Variants in GRM5 observed in about 807,000 individuals in gnomAD.
The protein encoded by GRM5 is metabotropic glutamate receptor 5.
Under a neutral mutation model 83.1 loss-of-function variants are expected in GRM5, and 19 were observed. That is an observed-to-expected ratio of 0.23 (90% confidence interval 0.16 to 0.34). The LOEUF is 0.34. GRM5 is among the 10% of genes least tolerant of loss of function. GRM5 has a pLI of 1.00. For synonymous variants in GRM5, 675 were observed against 633.6 expected, an observed-to-expected ratio of 1.07 and a Z score of -0.98; for missense variants, 1,160 against 1,588.3, an observed-to-expected ratio of 0.73 and a Z score of 4.58.
At chr11:88,688,001 C>T (rs1940690228) in intron 3 of GRM5, among the ~76,000 whole-genome samples, 1 of 152,086 alleles carries the variant, frequency 6.6e-6, no homozygotes, top group Non-Finnish European at 1.5e-5. Flanking sequence ...CTTTTGCTTT[C>T]CTTCACTACA....
At chr11:88,552,080 A>G (rs1228062233) in intron 8 of GRM5, among the ~76,000 whole-genome samples, 1 of 150,190 alleles carries the variant, frequency 6.7e-6, no homozygotes, top group Non-Finnish European at 1.5e-5. Context: ...GCTGGAGTGC[A>G]GTGGCATGAC....
At chr11:88,551,144 G>A (rs1477292988) in intron 8 of GRM5, among the ~76,000 whole-genome samples, 2 of 152,004 alleles carry the variant, frequency 1.3e-5, no homozygotes, top group East Asian at 3.9e-4. Flanking sequence ...TGTCTCATGG[G>A]GTTGTTTTAG....
At chr11:88,783,052 G>A (rs72643323) in intron 3 of GRM5, among the ~76,000 whole-genome samples, 1 of 152,018 alleles carries the variant, frequency 6.6e-6, no homozygotes, top group Non-Finnish European at 1.5e-5. Flanking sequence ...ACTAAAGTCC[G>A]CCTGACTTAA....
chr11:88,576,484 T>G (rs150309534), intron 7 of GRM5, among the ~76,000 whole-genome samples: 1 of 152,324 alleles, frequency 6.6e-6, no homozygotes, highest in East Asian at 1.9e-4. Flanking sequence ...AATGAATGAA[T>G]GATTAACAAA....
At chr11:88,982,123 T>A (rs1457147139) in intron 2 of GRM5, among the ~76,000 whole-genome samples, 2 of 152,204 alleles carry the variant, frequency 1.3e-5, no homozygotes. Context: ...AGATTCCAAT[T>A]TTTTGTTTCT....
At chr11:88,989,164 A>C (rs1319789607) in intron 2 of GRM5, among the ~76,000 whole-genome samples, 1 of 148,754 alleles carries the variant, frequency 6.7e-6, no homozygotes, top group Non-Finnish European at 1.5e-5. Context: ...GGATGGAGGA[A>C]GATCTACCAA....
At chr11:88,665,248 CT>C (rs574442465) in intron 3 of GRM5, among the ~76,000 whole-genome samples, 67 of 151,246 alleles carry the variant, frequency 4.4e-4, no homozygotes, top group African/African-American at 1.5e-3. Context: ...AAATAGAGAA[CT>C]GCCTTAAACC....
In GRM5 at chr11:88,584,369, A is replaced by G. The variant is rs183956307; in HGVS notation, c.1690+6232T>C. Among the ~76,000 whole-genome samples the G allele has an allele frequency of 6.1e-4, 92 of 151,968 alleles. 4 individuals are homozygous for G. The highest frequency in any genetic ancestry group is 6.0e-3 in the Admixed American group (91 of 15,208). ...TTTTTATACAATATCTACTCTTCAC[A>G]TTGTGACTATGTAAATAATATTTAT... On this transcript the variant is annotated intron_variant, in intron 7 of 9. Transcript: ENST00000305447.
At chr11:89,015,887 A>G (rs1273629104) in intron 2 of GRM5, among the ~76,000 whole-genome samples, 1 of 152,140 alleles carries the variant, frequency 6.6e-6, no homozygotes, top group African/African-American at 2.4e-5. Flanking sequence ...GTTAGGGGGC[A>G]TGTCATTTAA....
chr11:88,664,829 GATA>G (rs1303221453), intron 3 of GRM5, among the ~76,000 whole-genome samples: 8 of 152,154 alleles, frequency 5.3e-5, no homozygotes, highest in African/African-American at 1.9e-4. Context: ...TATACTATAT[GATA>G]ATGATTTGAG....
chr11:88,974,829 A>T (rs1191260464), intron 2 of GRM5, among the ~76,000 whole-genome samples: 1 of 152,186 alleles, frequency 6.6e-6, no homozygotes, highest in Non-Finnish European at 1.5e-5. Context: ...AGTAAGTAGG[A>T]ACATACTAGA....
At chr11:88,905,089 C>G (rs1473341233) in intron 2 of GRM5, among the ~76,000 whole-genome samples, 1 of 152,072 alleles carries the variant, frequency 6.6e-6, no homozygotes, top group Non-Finnish European at 1.5e-5. Flanking sequence ...TCAGATGTGT[C>G]TATATAATAT....
Position 88,931,034 on chromosome 11 carries a change from T to C in GRM5, c.662-80879A>G, listed in dbSNP as rs553261459. Among the ~76,000 whole-genome samples the C allele has an allele frequency of 7.3e-5, 11 of 150,878 alleles. No homozygotes were observed. The South Asian group carries it at 2.3e-3, about 32-fold the overall frequency. On this transcript the variant is annotated intron_variant, in intron 2 of 9. Transcript: ENST00000305447. ...AAGCATGCTTTATACAATTATATTT[T>C]ATATACAGGTATATAAAAATGGAGG...
At chr11:88,873,664 A>G (rs1366502535) in intron 2 of GRM5, among the ~76,000 whole-genome samples, 2 of 151,626 alleles carry the variant, frequency 1.3e-5, no homozygotes, top group African/African-American at 4.8e-5. Flanking sequence ...TATTGATACA[A>G]ATGAAAATGG....
At chr11:88,595,962 C>G (rs1344625225) in intron 6 of GRM5, among the ~76,000 whole-genome samples, 1 of 152,162 alleles carries the variant, frequency 6.6e-6, no homozygotes, top group Non-Finnish European at 1.5e-5. Flanking sequence ...AACTTTAACT[C>G]TATTCAATCA....
At chr11:88,807,756 T>G (rs569255051) in intron 3 of GRM5, among the ~76,000 whole-genome samples, 1 of 151,870 alleles carries the variant, frequency 6.6e-6, no homozygotes, top group Non-Finnish European at 1.5e-5. Flanking sequence ...TATAAACTAC[T>G]TTTTTTTAGG....
chr11:88,624,656 T>C (rs565137096), intron 4 of GRM5, among the ~76,000 whole-genome samples: 1 of 152,312 alleles, frequency 6.6e-6, no homozygotes, highest in African/African-American at 2.4e-5. Flanking sequence ...CACTCCAGCC[T>C]GGGCGACAGA....
intron 4 of GRM5, among the ~76,000 whole-genome samples, chr11:88,650,757 G>A (rs140173262): frequency 5.3e-5 from 8 of 151,970 alleles, no homozygotes; most frequent in African/African-American, 1.7e-4. Context: ...AGATTTGATG[G>A]TGATTTTTAA....
rs1362348532 is a variant in GRM5 at position 88,508,983 on chromosome 11, G to A, written c.3248C>T (p.Ala1083Val). 4.4e-6 allele frequency: 7 copies of A among 1,581,586 alleles called. No individual in the cohort carries two copies. The East Asian group carries it at 6.9e-5, about 16-fold the overall frequency. The change falls in exon 10 of 10, where the codon GCG (alanine) becomes GTG (valine). Residue 1083 changes from alanine to valine, a missense_variant. Coordinates refer to ENST00000305447, the MANE Select transcript of GRM5 (RefSeq NM_001143831.3). The surrounding 1 kb of genome is among the most constrained non-coding windows in gnomAD (Gnocchi z 4.2). ...GGCGCCGACGCCGGGGCTGGGGGCC[G>A]CGGTGGACAGCATCATGGAGTTGAG... ...SELNSMMLST[A>V]APSPGVGAPL...
Sources: gnomAD v4.1 joint callset for allele counts (sites outside exome capture counted in the v4.1 genomes callset) on GRCh38, gnomAD v4.1.1 for gene constraint, Gnocchi (gnomAD v3.1) non-coding constraint, MANE v1.5 for transcripts, NCBI Gene and HGNC (gene_info 2026-07-23, HGNC 2026-07-21) for gene names.